Variants in CXXC5 observed in about 807,000 individuals in gnomAD.
CXXC5 encodes CXXC-type zinc finger protein 5.
A neutral mutation model predicts 17.6 loss-of-function variants in CXXC5; 2 were observed. That is an observed-to-expected ratio of 0.11 (90% CI 0.05 to 0.36). The LOEUF (loss-of-function observed/expected upper bound fraction) is 0.36, where lower values mean the gene tolerates loss of function less well. Among genes scored for constraint, CXXC5 ranks in the 10% least tolerant of loss-of-function variants. The pLI, the probability that CXXC5 is intolerant of heterozygous loss-of-function variation, is 1.00. For synonymous variants in CXXC5, 171 were observed against 193.0 expected (o/e 0.89, Z 0.94); for missense variants, 343 against 458.3 (o/e 0.75, Z 2.30).
intron 1 of CXXC5, among the ~76,000 whole-genome samples, chr5:139,652,356 C>T (rs1755260118): frequency 6.6e-6 from 1 of 152,126 alleles, no homozygotes; most frequent in African/African-American, 2.4e-5. Flanking sequence ...CTTTCTCTTA[C>T]TTCCCCCTCA....
Position 139,663,796 on chromosome 5 carries a change from G to A in CXXC5, c.-161+14951G>A, listed in dbSNP as rs747059813. Among the ~76,000 whole-genome samples, 6 of 152,218 alleles carry A rather than the reference G, an allele frequency of 3.9e-5. No homozygotes were observed. The highest frequency in any genetic ancestry group is 8.8e-5 in the Non-Finnish European group (6 of 68,038). ...CTTAGTTGAGCACCTACTGCATGTG[G>A]ACGCTACACTGACCCCTTCACATAG... On this transcript the variant is annotated intron_variant, in intron 1 of 2. Transcript: ENST00000302517. The surrounding 1 kb of genome is among the most constrained non-coding windows in gnomAD (Gnocchi z 4.2).
At chr5:139,678,349 GTCT>G (rs1756979477) in intron 1 of CXXC5, among the ~76,000 whole-genome samples, 1 of 152,184 alleles carries the variant, frequency 6.6e-6, no homozygotes, top group East Asian at 1.9e-4. Context: ...GACACACATG[GTCT>G]TCTTGCTTCA....
intron 2 of CXXC5, among the ~76,000 whole-genome samples, chr5:139,681,736 G>A (rs1757249797): frequency 6.6e-6 from 1 of 152,222 alleles, no homozygotes; most frequent in African/African-American, 2.4e-5. Flanking sequence ...CCTCTCCTGG[G>A]TTCTGGGTCA....
At position 139,681,206 on chromosome 5, in the gene CXXC5, T is replaced by C. The variant is rs1412875602; in HGVS notation, c.683T>C (p.Val228Ala). The C allele has an allele frequency of 6.2e-7, 1 of 1,612,730 alleles. No individual in the cohort carries two copies. Among genetic ancestry groups the C allele is most frequent in the Non-Finnish European group, 8.5e-7 (1 of 1,179,868 alleles). The change falls in exon 2 of 3, where the codon GTG (valine) becomes GCG (alanine). Residue 228 changes from valine to alanine, a missense_variant. Val to Ala is a moderately conservative substitution (Grantham distance 64). Around this residue, in one of 4 missense-constraint regions of CXXC5, gnomAD observed 297 missense variants for 363.4 expected, o/e 0.82. Transcript: ENST00000302517. ...CTCTTCATTATGACCCCGGCAGGTG[T>C]GTTCCTGGCCGAGAGCGCGCTGCAC... ...PGLFIMTPAG[V>A]FLAESALHMA...
chr5:139,679,194 C>T (rs1213542230), intron 1 of CXXC5, among the ~76,000 whole-genome samples: 1 of 152,236 alleles, frequency 6.6e-6, no homozygotes, highest in Non-Finnish European at 1.5e-5. Context: ...GAGACCTCCA[C>T]CCAGGCCCTA....
chr5:139,682,704 T>C (rs1408897626), intron 2 of CXXC5, among the ~76,000 whole-genome samples, 159 bp from the exon 3 acceptor site: 3 of 152,202 alleles, frequency 2.0e-5, no homozygotes, highest in African/African-American at 7.2e-5. Flanking sequence ...AAGCGCCTCC[T>C]TTGGCCTGGC....
intron 1 of CXXC5, among the ~76,000 whole-genome samples, chr5:139,652,202 G>A (rs1755252089): frequency 6.7e-6 from 1 of 149,164 alleles, no homozygotes; most frequent in African/African-American, 2.4e-5. Context: ...GTGTGGCTGT[G>A]TATGTGTGTG....
chr5:139,671,546 C>CG, intron 1 of CXXC5, among the ~76,000 whole-genome samples: 1 of 152,318 alleles, frequency 6.6e-6, no homozygotes, highest in South Asian at 2.1e-4. Flanking sequence ...GGCCTCTGTG[C>CG]GGCCGGCTGG....
At position 139,668,094 on chromosome 5, in the gene CXXC5, C is replaced by A. The variant is rs971910709; in HGVS notation, c.-160-12270C>A. 2.0e-5 allele frequency among the ~76,000 whole-genome samples: 3 copies of A among 152,166 alleles called. No individual in the cohort carries two copies. The highest frequency in any genetic ancestry group is 7.2e-5 in the African/African-American group (3 of 41,432). ...CTGGGCCTGCGGCACCCTCCCCAACCTCAGGTAGGGGGCCTGGCCCGAGGC... is the reference window on the plus strand; with the variant it reads ...CTGGGCCTGCGGCACCCTCCCCAACATCAGGTAGGGGGCCTGGCCCGAGGC... On this transcript the variant is annotated intron_variant, in intron 1 of 2. Transcript: ENST00000302517. This position sits in a 1 kb window ranked among gnomAD's most constrained non-coding sequence, Gnocchi z 4.1.
rs1757201517 is a variant in CXXC5, at chr5:139,681,130, A to G, written c.607A>G (p.Asn203Asp). 2 of 1,612,782 alleles carry G rather than the reference A, an allele frequency of 1.2e-6. No homozygotes were observed. The highest frequency in any genetic ancestry group is 1.3e-5 in the African/African-American group (1 of 75,048). The stretch of plus-strand genomic sequence containing the variant: ...GGCTGTGGCAGGTGCCGAAGCCCTC[A>G]ATGGCCAGTCCGACTTCCCCTACCT... Reference protein sequence around the residue: ...MEAVAGAEALNGQSDFPYLGA... With the variant: ...MEAVAGAEALDGQSDFPYLGA... Residue 203 changes from asparagine to aspartate, a missense_variant, in exon 2 of 3, where the codon AAT becomes GAT. By Grantham distance (23) the Asn-to-Asp change is conservative (BLOSUM62 1). Coordinates refer to ENST00000302517, the MANE Select transcript of CXXC5 (RefSeq NM_016463.9).
rs558211346 is a variant in CXXC5 at position 139,665,980 on chromosome 5, A to G, written c.-160-14384A>G. On this transcript the variant is annotated intron_variant, in intron 1 of 2. Transcript: ENST00000302517. ...GACCCCAGTGTCTCAAGTGCCCCCA[A>G]CCAAAAATAGACCAGTTCTTCCAAA... Among the ~76,000 whole-genome samples, 41 of 152,358 alleles carry G rather than the reference A, an allele frequency of 2.7e-4. 1 individual carries two copies. In the South Asian group the frequency reaches 8.1e-3, roughly 30 times the overall value.
At chr5:139,652,088 T>G (rs991145594) in intron 1 of CXXC5, among the ~76,000 whole-genome samples, 36 of 151,958 alleles carry the variant, frequency 2.4e-4, no homozygotes, top group African/African-American at 8.4e-4. Context: ...TTTCCCTCTT[T>G]TCTTTTTTCT....
intron 1 of CXXC5, among the ~76,000 whole-genome samples, chr5:139,656,380 C>T (rs1236742604): frequency 6.6e-6 from 1 of 152,246 alleles, no homozygotes; most frequent in Non-Finnish European, 1.5e-5. Context: ...GTGCTCCTGG[C>T]ATCACTGGAT....
At chr5:139,680,273 A>T (rs1375854025) in intron 1 of CXXC5, 91 bp from the exon 2 acceptor site, 4 of 565,360 alleles carry the variant, frequency 7.1e-6, no homozygotes, top group Non-Finnish European at 1.3e-5. Context: ...CATGGTGGTC[A>T]GGATGACAGG....
At chr5:139,657,250 C>T (rs2126753056) in intron 1 of CXXC5, among the ~76,000 whole-genome samples, 1 of 152,358 alleles carries the variant, frequency 6.6e-6, no homozygotes, top group East Asian at 1.9e-4. Context: ...TGGCTTGCCA[C>T]TGCCTAGTGG....
chr5:139,650,653 G>T (rs1400793327), intron 1 of CXXC5, among the ~76,000 whole-genome samples: 1 of 152,188 alleles, frequency 6.6e-6, no homozygotes, highest in African/African-American at 2.4e-5. Flanking sequence ...TTGCAGTTGG[G>T]AGTATTTAAA....
At position 139,669,344 on chromosome 5, in the gene CXXC5, C is replaced by CAGCCCCTG. The variant is rs1354317831; in HGVS notation, c.-160-11019_-160-11012dup. ...GCATCCCCTCCTGCAACTCACACCC[C>CAGCCCCTG]AGCCCCTGGCTGATGTCCCTAGAGT... is the stretch of plus-strand genomic sequence containing the variant. On this transcript the variant is annotated intron_variant, in intron 1 of 2. Coordinates refer to ENST00000302517, the MANE Select transcript of CXXC5 (RefSeq NM_016463.9). 2.6e-5 allele frequency among the ~76,000 whole-genome samples: 4 copies of CAGCCCCTG among 152,154 alleles called. No homozygotes were observed. The East Asian group carries it at 7.7e-4, about 29-fold the overall frequency.
Position 139,661,539 on chromosome 5 carries a change from G to A in CXXC5, c.-161+12694G>A, listed in dbSNP as rs567883124. Among the ~76,000 whole-genome samples, 1 of 152,294 alleles carries A rather than the reference G, an allele frequency of 6.6e-6. No homozygotes were observed. Among genetic ancestry groups the A allele is most frequent in the African/African-American group, 2.4e-5 (1 of 41,564 alleles). On this transcript the variant is annotated intron_variant, in intron 1 of 2. Transcript: ENST00000302517. This position sits in a 1 kb window ranked among gnomAD's most constrained non-coding sequence, Gnocchi z 4.7. ...CCAGCCTCTGGCACACACACCCACTGGCACGTACCTAGGCGAATGCACATA... is the reference window on the plus strand; with the variant it reads ...CCAGCCTCTGGCACACACACCCACTAGCACGTACCTAGGCGAATGCACATA...
At chr5:139,649,176 A>C (rs1234216416) in intron 1 of CXXC5, 1 of 152,266 alleles carries the variant, frequency 6.6e-6, no homozygotes, top group African/African-American at 2.4e-5. Flanking sequence ...GCTCGGTCGC[A>C]GATCACTGAG....
Sources: allele counts gnomAD v4.1 joint callset (sites outside exome capture counted in the v4.1 genomes callset), GRCh38; gene constraint gnomAD v4.1.1; regional missense constraint gnomAD v4.1.1; non-coding constraint Gnocchi (gnomAD v3.1); transcripts MANE v1.5; gene names NCBI Gene and HGNC (gene_info 2026-07-23, HGNC 2026-07-21).